The following PPM1B variants were observed in gnomAD, a reference collection of about 807,000 sequenced individuals.
PPM1B encodes the protein protein phosphatase, Mg2+/Mn2+ dependent 1B, also known as protein phosphatase 1B.
PPM1B carries 22 observed loss-of-function variants against 43.0 expected under a neutral mutation model. The ratio of observed to expected loss-of-function variants is 0.51; its 90% CI spans 0.37 to 0.73. PPM1B has a LOEUF of 0.73. Among genes scored for constraint, PPM1B ranks in the 30% least tolerant of loss-of-function variants. The pLI, the probability that PPM1B is intolerant of heterozygous loss-of-function variation, is 0.00. For missense variants in PPM1B, 632 were observed against 584.2 expected (o/e 1.08, Z -0.84); for synonymous variants, 217 against 197.9 (o/e 1.10, Z -0.81).
downstream of PPM1B, chr2:44,234,091 G>C (rs562253796): frequency 1.4e-5 from 14 of 968,358 alleles, no homozygotes; most frequent in African/African-American, 2.5e-4. Flanking sequence ...GTATGATTCA[G>C]TTTTTAATGT....
chr2:44,238,922 C>G (rs1670687660), downstream of PPM1B, among the ~76,000 whole-genome samples: 1 of 151,506 alleles, frequency 6.6e-6, no homozygotes, highest in Non-Finnish European at 1.5e-5. Flanking sequence ...CAATCAAAAG[C>G]CTTAATGTAA....
At chr2:44,172,852 A>C (rs1183758192) in intron 1 of PPM1B, among the ~76,000 whole-genome samples, 1 of 152,202 alleles carries the variant, frequency 6.6e-6, no homozygotes, top group Non-Finnish European at 1.5e-5. Flanking sequence ...AGCTGCAGCG[A>C]GCTGTGATTG....
intron 2 of PPM1B, among the ~76,000 whole-genome samples, chr2:44,203,079 A>G (rs1053444234): frequency 6.6e-6 from 1 of 152,192 alleles, no homozygotes; most frequent in African/African-American, 2.4e-5. Context: ...GCATAACCAG[A>G]AAGTTTTTCA....
At chr2:44,215,011 A>G (rs989500589) in intron 3 of PPM1B, among the ~76,000 whole-genome samples, 5 of 152,352 alleles carry the variant, frequency 3.3e-5, no homozygotes, top group African/African-American at 1.2e-4. Context: ...AACATGAGTT[A>G]ATAATTTAAT....
At chr2:44,209,040 C>T (rs750942753) in intron 2 of PPM1B, among the ~76,000 whole-genome samples, 170 bp from the exon 3 acceptor site, 1 of 152,040 alleles carries the variant, frequency 6.6e-6, no homozygotes, top group Non-Finnish European at 1.5e-5. Context: ...TACCTAGACA[C>T]CTTGTTTCTT....
At chr2:44,230,092 ATTGT>A (rs1438467808) in intron 5 of PPM1B, 4 of 1,517,580 alleles carry the variant, frequency 2.6e-6, no homozygotes, top group Admixed American at 2.5e-5. Flanking sequence ...ATAGCCAAAT[ATTGT>A]TTAAGTAAGT....
intron 1 of PPM1B, among the ~76,000 whole-genome samples, chr2:44,171,783 T>G (rs1237676370): frequency 6.7e-6 from 1 of 148,550 alleles, no homozygotes; most frequent in African/African-American, 2.5e-5. Context: ...TGAGCCGAGA[T>G]TGTGCCACTG....
At chr2:44,237,374 A>G (rs551375318), downstream of PPM1B, among the ~76,000 whole-genome samples, 156 of 152,310 alleles carry the variant, frequency 1.0e-3, 1 homozygote, top group Non-Finnish European at 1.4e-3. Context: ...GCCATTTCTC[A>G]CTTCCTGCTG....
chr2:44,172,301 C>T (rs574561164), intron 1 of PPM1B, among the ~76,000 whole-genome samples: 4 of 152,226 alleles, frequency 2.6e-5, no homozygotes, highest in East Asian at 1.9e-4. Context: ...TAAAATGTAT[C>T]GTATATTAGC....
chr2:44,197,679 G>C (rs549445743), intron 1 of PPM1B, among the ~76,000 whole-genome samples: 1 of 152,258 alleles, frequency 6.6e-6, no homozygotes, highest in East Asian at 1.9e-4. Flanking sequence ...CAGAGTTTGA[G>C]AATGCAAGAT....
At chr2:44,177,019 A>C (rs1309356608) in intron 1 of PPM1B, among the ~76,000 whole-genome samples, 1 of 152,180 alleles carries the variant, frequency 6.6e-6, no homozygotes, top group Non-Finnish European at 1.5e-5. Context: ...ACCTCAGGTG[A>C]TCTGCCCGCC....
At chr2:44,185,353 A>G (rs1053000855) in intron 1 of PPM1B, among the ~76,000 whole-genome samples, 6 of 152,192 alleles carry the variant, frequency 3.9e-5, no homozygotes, top group Non-Finnish European at 5.9e-5. Flanking sequence ...TTTTTGATAT[A>G]GCCTGAATAA....
chr2:44,187,395 C>G (rs1668174890), intron 1 of PPM1B, among the ~76,000 whole-genome samples: 1 of 152,166 alleles, frequency 6.6e-6, no homozygotes, highest in Non-Finnish European at 1.5e-5. Context: ...ATAGAAATGT[C>G]TCTTTGAGAT....
At chr2:44,221,771 A>G (rs576799623) in intron 5 of PPM1B, among the ~76,000 whole-genome samples, 2 of 152,234 alleles carry the variant, frequency 1.3e-5, no homozygotes, top group African/African-American at 4.8e-5. Context: ...TATAATTAAG[A>G]CATCTTTTAA....
intron 5 of PPM1B, among the ~76,000 whole-genome samples, chr2:44,225,470 G>A (rs915948063): frequency 4.6e-5 from 7 of 152,126 alleles, no homozygotes; most frequent in Non-Finnish European, 1.0e-4. Context: ...TAATGGCTGC[G>A]GAAGAGGTTT....
chr2:44,192,016 G>C (rs918112915), intron 1 of PPM1B, among the ~76,000 whole-genome samples: 2 of 150,170 alleles, frequency 1.3e-5, no homozygotes, highest in Non-Finnish European at 3.0e-5. Flanking sequence ...TGATCCTGCA[G>C]CTTTCTTAGT....
chr2:44,215,327 T>C (rs916235596), intron 3 of PPM1B, among the ~76,000 whole-genome samples: 2 of 152,148 alleles, frequency 1.3e-5, no homozygotes, highest in African/African-American at 4.8e-5. Flanking sequence ...AGCATGGTGG[T>C]GCACACCTGT....
In PPM1B at chr2:44,201,237, A is replaced by G. The variant is rs755615371; in HGVS notation, c.38A>G (p.His13Arg). 36 of 1,606,660 alleles carry G rather than the reference A, an allele frequency of 2.2e-5. No homozygotes were observed. Among genetic ancestry groups the G allele is most frequent in the Non-Finnish European group, 2.6e-5 (31 of 1,176,074 alleles). Residue 13 changes from histidine (H) to arginine (R), a missense_variant, in exon 2 of 6, where the codon CAT becomes CGT. His to Arg is a conservative substitution (Grantham distance 29). Coordinates refer to ENST00000282412, the MANE Select transcript of PPM1B (RefSeq NM_002706.6). This position sits in a 1 kb window ranked among gnomAD's most constrained non-coding sequence, Gnocchi z 5.4. Reference sequence around the variant, plus strand: ...TTGGATAAACCCAAAACTGAAAAACATAATGCTCATGGTGCTGGGAATGGT... The same window carrying G: ...TTGGATAAACCCAAAACTGAAAAACGTAATGCTCATGGTGCTGGGAATGGT... ...AFLDKPKTEK[H>R]NAHGAGNGLR...
intron 5 of PPM1B, among the ~76,000 whole-genome samples, chr2:44,227,707 A>T (rs1008525350): frequency 6.6e-6 from 1 of 151,358 alleles, no homozygotes; most frequent in Non-Finnish European, 1.5e-5. Flanking sequence ...TTTAGTAGAG[A>T]TGGGGTTTCA....
Sources: allele counts gnomAD v4.1 joint callset (sites outside exome capture counted in the v4.1 genomes callset), GRCh38; gene constraint gnomAD v4.1.1; non-coding constraint Gnocchi (gnomAD v3.1); transcripts MANE v1.5; gene names NCBI Gene and HGNC (gene_info 2026-07-23, HGNC 2026-07-21).